The following CCDC7 variants were observed in gnomAD, a reference collection of about 807,000 sequenced individuals.
The protein encoded by CCDC7 is coiled-coil domain-containing protein 7.
CCDC7 carries 183 observed loss-of-function variants against 196.9 expected under a neutral mutation model. The observed-to-expected ratio is 0.93, with a 90% CI of 0.82 to 1.05. CCDC7 has a LOEUF of 1.05. Ranked by LOEUF, CCDC7 falls within the 50% of genes least tolerant of loss-of-function variation. The pLI is 0.00. For missense variants in CCDC7, 1,540 were observed against 1,482.2 expected (o/e 1.04, Z -0.64); for synonymous variants, 525 against 484.6 (o/e 1.08, Z -1.10).
chr10:32,824,448 G>T, intron 31 of CCDC7, 70 bp from the exon 33 acceptor site: 1 of 909,700 alleles, frequency 1.1e-6, no homozygotes, highest in Non-Finnish European at 1.7e-6. Flanking sequence ...GATAGTATTA[G>T]ACACATGCAC....
chr10:32,478,296 ATTTTC>A (rs1043452492), intron 8 of CCDC7, among the ~76,000 whole-genome samples: 8 of 151,900 alleles, frequency 5.3e-5, no homozygotes, highest in African/African-American at 1.7e-4. Context: ...CTTCCTTCTG[ATTTTC>A]TTTTCTTATA....
intron 28 of CCDC7, among the ~76,000 whole-genome samples, chr10:32,767,128 A>G (rs76635835): frequency 0.04 from 6,039 of 152,176 alleles, 134 homozygotes; most frequent in Middle Eastern, 0.051. Context: ...GCCATTCATG[A>G]GAAATTTTAT....
At chr10:32,748,410 C>A (rs979277588) in intron 28 of CCDC7, among the ~76,000 whole-genome samples, 1 of 152,180 alleles carries the variant, frequency 6.6e-6, no homozygotes, top group South Asian at 2.1e-4. Context: ...TATCCTGCAA[C>A]CTTGCCATAA....
In CCDC7 at chr10:32,585,097, A is replaced by G. The variant is rs867701273; in HGVS notation, c.1801+793A>G. Among the ~76,000 whole-genome samples the G allele has an allele frequency of 1.1e-3, 162 of 150,382 alleles. 2 individuals are homozygous for G. The Middle Eastern group carries it at 0.021, about 19-fold the overall frequency. On this transcript the variant is annotated intron_variant, in intron 18 of 41. Transcript: ENST00000639629. ...CTTAAATTTTTTTTTTTTTTGAGAC[A>G]GAGTCTTGCTCTGTCGCCCAGGCTG...
chr10:32,490,635 A>G (rs1002084465), intron 8 of CCDC7, among the ~76,000 whole-genome samples: 6 of 152,078 alleles, frequency 3.9e-5, no homozygotes, highest in Admixed American at 1.3e-4. Context: ...TCTCTACTAA[A>G]AATACAAAAA....
chr10:32,830,549 A>G (rs1049202189), intron 32 of CCDC7, among the ~76,000 whole-genome samples: 1 of 152,184 alleles, frequency 6.6e-6, no homozygotes, highest in Non-Finnish European at 1.5e-5. Flanking sequence ...AAAGGAAGAT[A>G]TGATGAGAAT....
At chr10:32,734,972 T>A (rs959388988) in intron 28 of CCDC7, among the ~76,000 whole-genome samples, 1 of 152,070 alleles carries the variant, frequency 6.6e-6, no homozygotes, top group African/African-American at 2.4e-5. Context: ...ATGCATTTTG[T>A]TTTAATGTTT....
intron 3 of CCDC7, among the ~76,000 whole-genome samples, chr10:32,459,680 A>G (rs1412790370): frequency 1.7e-4 from 6 of 36,094 alleles, no homozygotes; most frequent in African/African-American, 3.9e-4. Context: ...TTTTGCTGTT[A>G]GCACTCTTCA....
intron 30 of CCDC7, among the ~76,000 whole-genome samples, chr10:32,813,842 G>A (rs1034226505): frequency 6.6e-6 from 1 of 152,080 alleles, no homozygotes; most frequent in Non-Finnish European, 1.5e-5. Context: ...ACATATCTAA[G>A]CCTGAATATA....
chr10:32,652,445 T>C (rs2068948566), intron 20 of CCDC7, among the ~76,000 whole-genome samples: 1 of 152,174 alleles, frequency 6.6e-6, no homozygotes, highest in Non-Finnish European at 1.5e-5. Flanking sequence ...TTACTATTGA[T>C]ATTTTGTTGC....
intron 24 of CCDC7, among the ~76,000 whole-genome samples, chr10:32,710,334 G>A (rs1466874046): frequency 6.6e-6 from 1 of 152,146 alleles, no homozygotes; most frequent in African/African-American, 2.4e-5. Flanking sequence ...TCATTGCCTG[G>A]TACCTCTTTA....
chr10:32,771,648 G>A (rs1464284520), intron 28 of CCDC7, among the ~76,000 whole-genome samples: 1 of 152,192 alleles, frequency 6.6e-6, no homozygotes, highest in African/African-American at 2.4e-5. Context: ...AAGTTTTCCA[G>A]TAGTGGGTAC....
intron 18 of CCDC7, among the ~76,000 whole-genome samples, chr10:32,598,464 A>G (rs1337161703): frequency 6.6e-6 from 1 of 152,184 alleles, no homozygotes; most frequent in Non-Finnish European, 1.5e-5. Context: ...GGGTGAGGCG[A>G]TGCCCTGCCC....
At chr10:32,752,252 C>A (rs997095205) in intron 28 of CCDC7, among the ~76,000 whole-genome samples, 13 of 152,102 alleles carry the variant, frequency 8.5e-5, no homozygotes, top group Non-Finnish European at 1.2e-4. Flanking sequence ...TAATTGAGAG[C>A]TAACACTATG....
At chr10:32,869,567 A>G (rs2094344896) in intron 41 of CCDC7, among the ~76,000 whole-genome samples, 1 of 152,052 alleles carries the variant, frequency 6.6e-6, no homozygotes, top group African/African-American at 2.4e-5. Context: ...TCTTTCGTTT[A>G]ATCGGATCCT....
At chr10:32,749,682 G>A (rs1176531785) in intron 28 of CCDC7, among the ~76,000 whole-genome samples, 1 of 152,124 alleles carries the variant, frequency 6.6e-6, no homozygotes, top group African/African-American at 2.4e-5. Flanking sequence ...AACTACAAAA[G>A]TATCTCTTGT....
At chr10:32,708,662 A>C (rs186122151) in intron 24 of CCDC7, among the ~76,000 whole-genome samples, 1,848 of 152,368 alleles carry the variant, frequency 0.012, 124 homozygotes, top group Admixed American at 0.11. Context: ...TGGGCGAAGC[A>C]TATGAACAGA....
rs140711332 is a variant in CCDC7, at chr10:32,580,017, C to T, written c.1455-3017C>T. Among the ~76,000 whole-genome samples the T allele has an allele frequency of 6.5e-3, 992 of 152,010 alleles. 9 individuals are homozygous for T. Among genetic ancestry groups the T allele is most frequent in the African/African-American group, 0.021 (888 of 41,456 alleles). On this transcript the variant is annotated intron_variant, in intron 16 of 41. Transcript: ENST00000639629. ...GCGAGCAGAGCACATTGCAATATTG[C>T]AGTTATCAATGAAGGACCTTGAGAG...
At chr10:32,857,269 A>G (rs571540747) in intron 41 of CCDC7, among the ~76,000 whole-genome samples, 1 of 152,210 alleles carries the variant, frequency 6.6e-6, no homozygotes, top group African/African-American at 2.4e-5. Context: ...ATTAGCAAAT[A>G]GAACTTAATT....
Sources: gnomAD v4.1 joint callset for allele counts (sites outside exome capture counted in the v4.1 genomes callset) on GRCh38, gnomAD v4.1.1 for gene constraint, MANE v1.5 for transcripts, NCBI Gene and HGNC (gene_info 2026-07-23, HGNC 2026-07-21) for gene names.